PPFIBP2: variants seen among roughly 807,000 people sequenced by gnomAD.
PPFIBP2 encodes the protein liprin-beta-2.
In PPFIBP2, 118 loss-of-function variants were observed where a neutral mutation model predicts 118.3. The observed-to-expected ratio is 1.00, with a 90% CI of 0.86 to 1.16. The LOEUF is 1.16. Among genes scored for constraint, PPFIBP2 ranks in the 50% most tolerant of loss-of-function variants. The pLI, the probability that PPFIBP2 is intolerant of heterozygous loss-of-function variation, is 0.00. For missense variants in PPFIBP2, 1,195 were observed against 1,073.1 expected (o/e 1.11, Z -1.59); for synonymous variants, 414 against 397.4 (o/e 1.04, Z -0.50).
At chr11:7,556,662 T>C (rs1853669681) in intron 2 of PPFIBP2, among the ~76,000 whole-genome samples, 1 of 152,252 alleles carries the variant, frequency 6.6e-6, no homozygotes, top group Non-Finnish European at 1.5e-5. Context: ...TTTTCTTCCT[T>C]AAAATTTGAT....
chr11:7,521,470 T>C (rs1027512321), intron 1 of PPFIBP2, among the ~76,000 whole-genome samples: 9 of 152,344 alleles, frequency 5.9e-5, no homozygotes, highest in African/African-American at 2.2e-4. Flanking sequence ...CATACACTAT[T>C]TTATCTTCCT....
chr11:7,520,373 C>G (rs951733058), intron 1 of PPFIBP2, among the ~76,000 whole-genome samples: 30 of 152,264 alleles, frequency 2.0e-4, no homozygotes, highest in Admixed American at 1.1e-3. Context: ...GTTTTGCCGA[C>G]GCACGCTGCT....
In PPFIBP2 at chr11:7,583,934, T is replaced by TC. The variant is rs1857650261; in HGVS notation, c.280-9198_280-9197insC. On this transcript the variant is annotated intron_variant, in intron 3 of 23. Transcript: ENST00000299492. ...TCACATTCTCCTAGGGGTATTCCTT[T>TC]AAAGCCTTCAGACTCAATCATTCAA... Among the ~76,000 whole-genome samples, 14 of 152,380 alleles carry TC rather than the reference T, an allele frequency of 9.2e-5. No homozygotes were observed. The South Asian group carries it at 2.9e-3, about 32-fold the overall frequency.
rs199516126 is a variant in PPFIBP2, at chr11:7,585,248, A to G, written c.280-7884A>G. ...GATGACAACTATTGATATCAAAAAA[A>G]GGAAGGCAGATGCATTTTGAGGATC... On this transcript the variant is annotated intron_variant, in intron 3 of 23. Transcript: ENST00000299492. 1.7e-4 allele frequency among the ~76,000 whole-genome samples: 26 copies of G among 152,364 alleles called. No individual in the cohort carries two copies. The East Asian group carries it at 5.0e-3, about 29-fold the overall frequency.
Position 7,651,857 on chromosome 11 carries a change from G to A in PPFIBP2, c.2436+13G>A, listed in dbSNP as rs112614088. The A allele has an allele frequency of 1.2e-6, 2 of 1,601,516 alleles. No individual in the cohort carries two copies. The highest frequency in any genetic ancestry group is 2.2e-5 in the South Asian group (2 of 90,424). ...AGCCAAAGTCCGGGTGAGTTGCAGA[G>A]CCTTTCTGGGTGGGCCCTGGGCTGC... On this transcript the variant is annotated intron_variant, in intron 23 of 23. Transcript: ENST00000299492.
rs996252566 is a variant in PPFIBP2 at position 7,648,478 on chromosome 11, A to G, written c.1738A>G (p.Arg580Gly). The change falls in exon 18 of 24, where the codon AGG becomes GGG. Residue 580 changes from arginine to glycine, a missense_variant. By Grantham distance (125) the Arg-to-Gly change is moderately radical. Coordinates refer to ENST00000299492, the MANE Select transcript of PPFIBP2 (RefSeq NM_003621.5). ...FGLAQYVIFARQWVSSGHTLL... is the reference protein window; with the variant it reads ...FGLAQYVIFAGQWVSSGHTLL... Reference sequence around the variant, plus strand: ...CCTGGCTCAGTATGTGATCTTTGCCAGGCAGTGGGTATCTTCTGGCCACAC... The same window carrying G: ...CCTGGCTCAGTATGTGATCTTTGCCGGGCAGTGGGTATCTTCTGGCCACAC... 1 of 1,614,104 alleles carries G rather than the reference A, an allele frequency of 6.2e-7. No individual in the cohort carries two copies. Among genetic ancestry groups the G allele is most frequent in the Non-Finnish European group, 8.5e-7 (1 of 1,180,026 alleles).
At chr11:7,564,463 A>G (rs1306543858) in intron 2 of PPFIBP2, among the ~76,000 whole-genome samples, 2 of 152,230 alleles carry the variant, frequency 1.3e-5, no homozygotes, top group African/African-American at 2.4e-5. Context: ...ATAGAGATAT[A>G]TAGGGGATAT....
intron 15 of PPFIBP2, 38 bp downstream of exon 15, chr11:7,639,908 G>C: frequency 1.9e-6 from 3 of 1,594,732 alleles, no homozygotes; most frequent in Non-Finnish European, 2.6e-6. Flanking sequence ...CCTCTGAGCA[G>C]TGTCCTTGGC....
intron 20 of PPFIBP2, 45 bp from the exon 21 acceptor site, chr11:7,649,487 T>A (rs2135998060): frequency 6.2e-7 from 1 of 1,612,292 alleles, no homozygotes; most frequent in East Asian, 2.2e-5. Context: ...GGGTCTTTTG[T>A]CACTTTGGAA....
At chr11:7,577,657 T>C (rs1238542585) in intron 3 of PPFIBP2, 2 of 455,476 alleles carry the variant, frequency 4.4e-6, no homozygotes, top group African/African-American at 2.0e-5. Context: ...CTGGCTGCTT[T>C]GTCTGGGTCT....
chr11:7,596,392 T>G (rs1219129153), intron 4 of PPFIBP2, among the ~76,000 whole-genome samples: 1 of 61,680 alleles, frequency 1.6e-5, no homozygotes, highest in Non-Finnish European at 3.5e-5. Flanking sequence ...CGTTCTTGTT[T>G]TTTTTTTTTT....
At chr11:7,540,087 C>A (rs774247620) in intron 1 of PPFIBP2, among the ~76,000 whole-genome samples, 1 of 152,186 alleles carries the variant, frequency 6.6e-6, no homozygotes, top group Non-Finnish European at 1.5e-5. Flanking sequence ...AACCCACTCT[C>A]CTAACTGCTC....
At chr11:7,577,581 G>C (rs1008520461) in intron 3 of PPFIBP2, 1 of 456,666 alleles carries the variant, frequency 2.2e-6, no homozygotes, top group Non-Finnish European at 4.4e-6. Context: ...TGCTGACATG[G>C]GTGCCCAGCA....
At chr11:7,624,288 C>G (rs1252417718) in intron 7 of PPFIBP2, among the ~76,000 whole-genome samples, 1 of 152,154 alleles carries the variant, frequency 6.6e-6, no homozygotes, top group Non-Finnish European at 1.5e-5. Context: ...GACACAGAAT[C>G]TTGTACTACT....
chr11:7,604,282 G>A (rs1056773193), intron 5 of PPFIBP2, among the ~76,000 whole-genome samples: 11 of 152,208 alleles, frequency 7.2e-5, no homozygotes, highest in African/African-American at 9.7e-5. Flanking sequence ...GATAAAGGGC[G>A]AGACAGTTAA....
rs139504710 is a variant in PPFIBP2, at chr11:7,644,501, G to A, written c.1646+2075G>A. Among the ~76,000 whole-genome samples, 563 of 152,274 alleles carry A rather than the reference G, an allele frequency of 3.7e-3. 14 individuals carry two copies. The highest frequency in any genetic ancestry group is 0.027 in the Admixed American group (411 of 15,298). On this transcript the variant is annotated intron_variant, in intron 17 of 23. Transcript: ENST00000299492. ...TGTTTTTTTCCTGAGTTGATCTACTGACTGTATTGCCCTTCAGGACTCCAG... is the reference window on the plus strand; with the variant it reads ...TGTTTTTTTCCTGAGTTGATCTACTAACTGTATTGCCCTTCAGGACTCCAG...
downstream of PPFIBP2, among the ~76,000 whole-genome samples, chr11:7,654,478 A>C (rs1451926355): frequency 1.3e-5 from 2 of 152,024 alleles, no homozygotes; most frequent in African/African-American, 4.8e-5. Context: ...CCATTGTAGC[A>C]CTCTGATTCT....
intron 1 of PPFIBP2, among the ~76,000 whole-genome samples, chr11:7,519,772 G>A (rs1226543881): frequency 5.9e-5 from 9 of 152,164 alleles, no homozygotes; most frequent in Admixed American, 2.6e-4. Flanking sequence ...GCTTAGAGGT[G>A]TCCCCCTAAG....
chr11:7,618,935 T>C (rs1225497344), intron 6 of PPFIBP2, among the ~76,000 whole-genome samples: 1 of 145,662 alleles, frequency 6.9e-6, no homozygotes, highest in South Asian at 2.3e-4. Context: ...CAGCATATGC[T>C]CACCTCAACT....
Sources: gnomAD v4.1 joint callset for allele counts (sites outside exome capture counted in the v4.1 genomes callset) on GRCh38, gnomAD v4.1.1 for gene constraint, MANE v1.5 for transcripts, NCBI Gene and HGNC (gene_info 2026-07-23, HGNC 2026-07-21) for gene names.